Variants in SLC35E2B observed in about 807,000 individuals in gnomAD.
SLC35E2B encodes the protein solute carrier family 35 member E2B.
A neutral mutation model predicts 32.4 loss-of-function variants in SLC35E2B; 18 were observed. That is an observed-to-expected ratio of 0.56 (90% confidence interval 0.38 to 0.82). The LOEUF (loss-of-function observed/expected upper bound fraction) is 0.82. Ranked by LOEUF, SLC35E2B falls within the 40% of genes least tolerant of loss-of-function variation. SLC35E2B has a pLI of 0.00. For missense variants in SLC35E2B, 263 were observed against 469.5 expected (o/e 0.56, Z 4.06); for synonymous variants, 132 against 209.1 (o/e 0.63, Z 3.18).
Position 1,671,477 on chromosome 1 carries a change from TC to T in SLC35E2B, c.707+31del, listed in dbSNP as rs748651536. 2.3e-5 allele frequency: 33 copies of T among 1,418,964 alleles called. No homozygotes were observed. In the South Asian group the frequency reaches 4.7e-4, roughly 20 times the overall value. 87.9% of individuals were successfully genotyped at this position (1,418,964 alleles called of 1,614,324 possible). A position where few individuals can be genotyped will look rare whatever the true frequency, so the allele number is the denominator to read the frequency against. On this transcript the variant is annotated intron_variant, in intron 6 of 9. Coordinates refer to ENST00000617444, the MANE Select transcript of SLC35E2B (RefSeq NM_001290264.2). The stretch of plus-strand genomic sequence containing the variant: ...AGATGCAGGTGAGCACCGGGTCTCG[TC>T]CCCCTCACGCCCACCTTCTCTGTGA...
intron 2 of SLC35E2B, among the ~76,000 whole-genome samples, chr1:1,689,332 C>T (rs1238193631): frequency 1.3e-5 from 2 of 151,842 alleles, no homozygotes; most frequent in African/African-American, 4.8e-5. Flanking sequence ...CAAACAGCGA[C>T]AATTAGTAAC....
intron 2 of SLC35E2B, among the ~76,000 whole-genome samples, chr1:1,683,062 G>A (rs1370198184): frequency 1.3e-5 from 2 of 151,880 alleles, no homozygotes; most frequent in African/African-American, 4.8e-5. Flanking sequence ...GGGGGACAGA[G>A]CGAGACTCTG....
chr1:1,680,891 C>T (rs1228842077), intron 2 of SLC35E2B, among the ~76,000 whole-genome samples: 2 of 151,886 alleles, frequency 1.3e-5, no homozygotes, highest in Non-Finnish European at 2.9e-5. Context: ...CAACCTCCAC[C>T]TCCCAGGTTC....
chr1:1,666,391 C>G lies in SLC35E2B; in HGVS notation c.981-372G>C, dbSNP rs923345584. 9.2e-5 allele frequency among the ~76,000 whole-genome samples: 14 copies of G among 152,308 alleles called. 2 individuals carry two copies. Among genetic ancestry groups the G allele is most frequent in the Admixed American group, 2.0e-4 (3 of 15,304 alleles). On this transcript the variant is annotated intron_variant, in intron 9 of 9. Coordinates refer to ENST00000617444, the MANE Select transcript of SLC35E2B (RefSeq NM_001290264.2). ...AGACGCAGGAATTCATGACATCCGC[C>G]TCATCAGCTTCATCCAATCGAGGTG... is the stretch of plus-strand genomic sequence containing the variant.
intron 2 of SLC35E2B, among the ~76,000 whole-genome samples, chr1:1,686,441 G>T (rs1243638048): frequency 3.3e-5 from 5 of 150,324 alleles, no homozygotes; most frequent in Non-Finnish European, 7.4e-5. Flanking sequence ...ATGCAAACAC[G>T]AAAGGAAGTC....
In SLC35E2B at chr1:1,676,868, ACACATCAC is replaced by A; in HGVS notation, c.-147-30_-147-23del. The A allele has an allele frequency of 2.1e-6, 3 of 1,433,704 alleles. No individual in the cohort carries two copies. In the South Asian group the frequency reaches 4.4e-5, roughly 21 times the overall value. 88.8% of individuals were successfully genotyped at this position (1,433,704 alleles called of 1,614,324 possible). On this transcript the variant is annotated intron_variant, in intron 2 of 9. Transcript: ENST00000617444. ...GACGCTAAAATATTAAGAAAAGGAA[ACACATCAC>A]CCGTTTTGAACATTTAATGTCCTCA...
intron 2 of SLC35E2B, among the ~76,000 whole-genome samples, chr1:1,690,307 A>AAAT (rs1553172032): frequency 1.0e-5 from 1 of 100,492 alleles, no homozygotes; most frequent in Non-Finnish European, 2.3e-5. Context: ...AACAAAAAAA[A>AAAT]ATATATATAT....
At chr1:1,688,342 C>G (rs540866272) in intron 2 of SLC35E2B, among the ~76,000 whole-genome samples, 3 of 152,220 alleles carry the variant, frequency 2.0e-5, no homozygotes, top group Non-Finnish European at 2.9e-5. Context: ...CGCGCTGGCT[C>G]ACACCTGCCA....
At chr1:1,680,727 G>A (rs1055263018) in intron 2 of SLC35E2B, among the ~76,000 whole-genome samples, 1 of 151,702 alleles carries the variant, frequency 6.6e-6, no homozygotes, top group Non-Finnish European at 1.5e-5. Flanking sequence ...CTCCAAGGCC[G>A]CAGGAGGAGG....
At chr1:1,683,215 TG>T (rs1643915006) in intron 2 of SLC35E2B, among the ~76,000 whole-genome samples, 1 of 152,166 alleles carries the variant, frequency 6.6e-6, no homozygotes, top group Non-Finnish European at 1.5e-5. Context: ...AGACACTAGC[TG>T]TGTGTCCTCT....
rs150312410 is a variant in SLC35E2B, at chr1:1,687,361, G to A, written c.-148+3615C>T. Among the ~76,000 whole-genome samples, 970 of 152,206 alleles carry A rather than the reference G, an allele frequency of 6.4e-3. 9 individuals carry two copies. Among genetic ancestry groups the A allele is most frequent in the African/African-American group, 0.022 (906 of 41,522 alleles). ...GGAGGCTGAGGCAGGCGGATTACCC[G>A]AGCTCAGGAGTTCTAGACGAGCCTG... On this transcript the variant is annotated intron_variant, in intron 2 of 9. Transcript: ENST00000617444.
chr1:1,666,075 G>A (rs1045784746), intron 9 of SLC35E2B, 56 bp from the exon 10 acceptor site: 34 of 1,503,788 alleles, frequency 2.3e-5, no homozygotes, highest in Non-Finnish European at 2.8e-5. Context: ...TCCTCAGCCC[G>A]TGGCCAGCAG....
chr1:1,666,038 G>T lies in SLC35E2B; in HGVS notation c.981-19C>A. Reference sequence around the variant, plus strand: ...GGCGACGCTGCGGAGGCAAGGGGAGGCAGCAGGGGCGCTCAGGGCTATGGT... The same window carrying T: ...GGCGACGCTGCGGAGGCAAGGGGAGTCAGCAGGGGCGCTCAGGGCTATGGT... On this transcript the variant is annotated intron_variant, in intron 9 of 9. Transcript: ENST00000617444. The T allele has an allele frequency of 1.3e-6, 2 of 1,545,842 alleles. No individual in the cohort carries two copies. The highest frequency in any genetic ancestry group is 1.7e-6 in the Non-Finnish European group (2 of 1,143,310).
In SLC35E2B at chr1:1,688,261, G is replaced by A. The variant is rs77165620; in HGVS notation, c.-148+2715C>T. Among the ~76,000 whole-genome samples, 76 of 152,170 alleles carry A rather than the reference G, an allele frequency of 5.0e-4. No individual in the cohort carries two copies. In the East Asian group the frequency reaches 0.012, roughly 24 times the overall value. The stretch of plus-strand genomic sequence containing the variant: ...GAAGCCACCATCTGGCCACCATCAC[G>A]ATCATCATCACAATCACGACGAGTC... On this transcript the variant is annotated intron_variant, in intron 2 of 9. Transcript: ENST00000617444.
In SLC35E2B at chr1:1,666,008, G is replaced by A. The variant is rs771780169; in HGVS notation, c.992C>T (p.Thr331Ile). ...CCAGATGGACAAGGCATGTTTCACG[G>A]TGCTGGCGACGCTGCGGAGGCAAGG... ...ISPVTFSVAS[T>I]VKHALSIWLS... The change falls in exon 10 of 10, where the codon ACC (threonine) becomes ATC (isoleucine). Residue 331 changes from threonine (T) to isoleucine (I), a missense_variant. Thr to Ile is a moderately conservative substitution (Grantham distance 89). Around this residue, in one of 7 missense-constraint regions of SLC35E2B, gnomAD observed 38 missense variants for 56.9 expected, o/e 0.67. Transcript: ENST00000617444. The A allele has an allele frequency of 3.0e-5, 46 of 1,550,898 alleles. No homozygotes were observed. Among genetic ancestry groups the A allele is most frequent in the Non-Finnish European group, 3.7e-5 (42 of 1,146,646 alleles).
intron 5 of SLC35E2B, chr1:1,674,351 A>T (rs1643786077): frequency 1.3e-5 from 2 of 152,360 alleles, no homozygotes. Context: ...GGTATCGATA[A>T]GCTCACAGCC....
At chr1:1,673,107 T>G (rs1570322566) in intron 5 of SLC35E2B, 1 of 168,182 alleles carries the variant, frequency 5.9e-6, no homozygotes, top group Admixed American at 6.3e-5. Flanking sequence ...CGGCGGCTGA[T>G]GGCTGTAATC....
At chr1:1,681,261 G>A (rs1570339797) in intron 2 of SLC35E2B, among the ~76,000 whole-genome samples, 1 of 151,058 alleles carries the variant, frequency 6.6e-6, no homozygotes, top group African/African-American at 2.4e-5. Context: ...GCAATGGCAT[G>A]ATCTTGGCTC....
At chr1:1,687,183 C>A (rs1378653269) in intron 2 of SLC35E2B, among the ~76,000 whole-genome samples, 2 of 152,202 alleles carry the variant, frequency 1.3e-5, no homozygotes, top group African/African-American at 4.8e-5. Flanking sequence ...ACGGGCGACA[C>A]GCACGCACAC....
Sources: gnomAD v4.1 joint callset for allele counts (sites outside exome capture counted in the v4.1 genomes callset) on GRCh38, gnomAD v4.1.1 for gene constraint, gnomAD v4.1.1 regional missense constraint, MANE v1.5 for transcripts, NCBI Gene and HGNC (gene_info 2026-07-23, HGNC 2026-07-21) for gene names.